CENPU: variants seen among roughly 807,000 people sequenced by gnomAD.
CENPU encodes centromere protein U.
Under a neutral mutation model 56.7 loss-of-function variants are expected in CENPU, and 46 were observed. The ratio of observed to expected loss-of-function variants is 0.81; its 90% confidence interval spans 0.64 to 1.04. The LOEUF is 1.04. CENPU is among the 50% of genes least tolerant of loss of function. CENPU has a pLI of 0.00. For missense variants in CENPU, 510 were observed against 490.1 expected, an observed-to-expected ratio of 1.04 and a Z score of -0.38; for synonymous variants, 166 against 163.0, an observed-to-expected ratio of 1.02 and a Z score of -0.14.
At chr4:184,708,884 G>A (rs1264052276) in intron 8 of CENPU, among the ~76,000 whole-genome samples, 1 of 152,032 alleles carries the variant, frequency 6.6e-6, no homozygotes, top group Non-Finnish European at 1.5e-5. Flanking sequence ...TTTTGTTGTT[G>A]TCTTAAAAAC....
chr4:184,709,339 T>C (rs1760840917), intron 8 of CENPU, among the ~76,000 whole-genome samples: 1 of 151,868 alleles, frequency 6.6e-6, no homozygotes, highest in Non-Finnish European at 1.5e-5. Context: ...ATGCAAAAAT[T>C]AGCTGGGCGG....
At chr4:184,702,860 A>G (rs937290924) in intron 8 of CENPU, among the ~76,000 whole-genome samples, 9 of 152,196 alleles carry the variant, frequency 5.9e-5, no homozygotes, top group African/African-American at 2.2e-4. Context: ...CACTTGGGAT[A>G]ATGACCTCCA....
intron 10 of CENPU, 96 bp from the exon 11 acceptor site, chr4:184,700,977 C>T: frequency 1.1e-6 from 1 of 944,502 alleles, no homozygotes. Flanking sequence ...GAAAACAAGA[C>T]AGACCCAGTT....
chr4:184,706,779 C>T (rs906705142), intron 8 of CENPU, among the ~76,000 whole-genome samples: 1 of 152,146 alleles, frequency 6.6e-6, no homozygotes, highest in Non-Finnish European at 1.5e-5. Flanking sequence ...TTTGGTATGA[C>T]AAAAACACAA....
intron 4 of CENPU, 30 bp downstream of exon 4, chr4:184,724,923 CATGA>C: frequency 1.5e-6 from 2 of 1,338,248 alleles, no homozygotes; most frequent in Non-Finnish European, 2.1e-6. Context: ...TCCCATTAAC[CATGA>C]ATAAACAATT....
intron 8 of CENPU, among the ~76,000 whole-genome samples, chr4:184,703,270 C>A (rs1161814941): frequency 6.6e-6 from 1 of 152,212 alleles, no homozygotes; most frequent in Non-Finnish European, 1.5e-5. Flanking sequence ...TTTATTCCCT[C>A]CCTCTTTGCC....
intron 1 of CENPU, among the ~76,000 whole-genome samples, chr4:184,732,916 C>A (rs1328145520): frequency 6.7e-6 from 1 of 148,932 alleles, no homozygotes; most frequent in Non-Finnish European, 1.5e-5. Context: ...GCAGGAAAAT[C>A]GCTTGAACCT....
chr4:184,729,549 A>G (rs1328617296), intron 2 of CENPU, among the ~76,000 whole-genome samples: 1 of 152,206 alleles, frequency 6.6e-6, no homozygotes, highest in Non-Finnish European at 1.5e-5. Context: ...TAGTCTTTTT[A>G]TTTTATTTCA....
At chr4:184,732,524 T>C (rs771601985) in intron 1 of CENPU, among the ~76,000 whole-genome samples, 1 of 152,220 alleles carries the variant, frequency 6.6e-6, no homozygotes, top group African/African-American at 2.4e-5. Context: ...AAGTGACTTA[T>C]CAAGGGTCAC....
At chr4:184,733,879 G>T in intron 1 of CENPU, 137 bp downstream of exon 1, 1 of 1,163,620 alleles carries the variant, frequency 8.6e-7, no homozygotes, top group Non-Finnish European at 1.3e-6. Flanking sequence ...GAGGAAGCCG[G>T]GGACCCGGGC....
chr4:184,707,157 G>C lies in CENPU; in HGVS notation c.797+2915C>G, dbSNP rs574799978. Among the ~76,000 whole-genome samples the C allele has an allele frequency of 2.0e-5, 3 of 151,276 alleles. No individual in the cohort carries two copies. The East Asian group carries it at 5.8e-4, about 29-fold the overall frequency. ...TAATGATGAGTTGGCATGACAGGCT[G>C]GCTCCTTTCCCCAAGCTCACCCAGA... On this transcript the variant is annotated intron_variant, in intron 8 of 12. Transcript: ENST00000281453.
intron 8 of CENPU, among the ~76,000 whole-genome samples, chr4:184,709,807 AG>A (rs1760861546): frequency 6.6e-6 from 1 of 151,854 alleles, no homozygotes; most frequent in Non-Finnish European, 1.5e-5. Flanking sequence ...AAAAAAAAAA[AG>A]GTATCACTGG....
At chr4:184,725,691 TTTTGAATGAAAAGCCC>T (rs1761427124) in intron 3 of CENPU, among the ~76,000 whole-genome samples, 1 of 152,200 alleles carries the variant, frequency 6.6e-6, no homozygotes, top group Non-Finnish European at 1.5e-5. Flanking sequence ...CCCTCAGTAT[TTTTGAATGAAAAGCCC>T]TTTGGGGAGA....
chr4:184,718,371 G>GT (rs1407194290), intron 4 of CENPU, among the ~76,000 whole-genome samples: 2 of 152,036 alleles, frequency 1.3e-5, no homozygotes, highest in African/African-American at 4.8e-5. Context: ...CCCTTCACAG[G>GT]TAACACTAAT....
chr4:184,718,683 G>A (rs772739360), intron 4 of CENPU, among the ~76,000 whole-genome samples: 7 of 152,202 alleles, frequency 4.6e-5, no homozygotes, highest in Admixed American at 2.6e-4. Flanking sequence ...GAGGAGAAAC[G>A]GATTTTCAAG....
intron 6 of CENPU, among the ~76,000 whole-genome samples, chr4:184,715,448 G>A (rs1296137488): frequency 6.6e-6 from 1 of 152,140 alleles, no homozygotes; most frequent in East Asian, 1.9e-4. Flanking sequence ...GAGTAGCTGC[G>A]ATTACAGGCA....
rs1759996709 is a variant in CENPU, at chr4:184,694,413, G to GTAATC, written c.*874_*875insGATTA. Reference sequence around the variant, plus strand: ...GCATTCCTCCTGCATATTCACTTTAGTATCTGTCACTTAATACCTTACTTC... The same window carrying GTAATC: ...GCATTCCTCCTGCATATTCACTTTAGTAATCTATCTGTCACTTAATACCTTACTTC... On this transcript the variant is annotated 3_prime_UTR_variant, in exon 13 of 13. Transcript: ENST00000281453. The GTAATC allele has an allele frequency of 2.1e-6, 3 of 1,449,618 alleles. No individual in the cohort carries two copies. Among genetic ancestry groups the GTAATC allele is most frequent in the Non-Finnish European group, 2.7e-6 (3 of 1,100,820 alleles). 89.8% of individuals were successfully genotyped at this position (1,449,618 alleles called of 1,614,324 possible).
intron 1 of CENPU, chr4:184,733,538 G>T: frequency 2.6e-6 from 1 of 382,474 alleles, no homozygotes; most frequent in Non-Finnish European, 3.6e-6. Flanking sequence ...CTGGAGAACC[G>T]CAAGCGGCAG....
chr4:184,725,552 G>A (rs1015581196), intron 3 of CENPU, among the ~76,000 whole-genome samples: 9 of 152,126 alleles, frequency 5.9e-5, no homozygotes, highest in African/African-American at 9.7e-5. Flanking sequence ...AATATAAATC[G>A]GAAGTCCAAC....
Sources: allele counts gnomAD v4.1 joint callset (sites outside exome capture counted in the v4.1 genomes callset), GRCh38; gene constraint gnomAD v4.1.1; transcripts MANE v1.5; gene names NCBI Gene and HGNC (gene_info 2026-07-23, HGNC 2026-07-21).